CMC2: variants seen among roughly 807,000 people sequenced by gnomAD.
CMC2 encodes the protein COX assembly mitochondrial protein 2 homolog.
A neutral mutation model predicts 7.5 loss-of-function variants in CMC2; 5 were observed. That is an observed-to-expected ratio of 0.66 (90% CI 0.35 to 1.40). CMC2 has a LOEUF of 1.40. Ranked by LOEUF, CMC2 falls within the 40% of genes most tolerant of loss-of-function variation. The pLI is 0.04. For synonymous variants in CMC2, 37 were observed against 31.4 expected, an observed-to-expected ratio of 1.18 and a Z score of -0.60; for missense variants, 115 against 92.3, an observed-to-expected ratio of 1.25 and a Z score of -1.01.
rs987604337 is a variant in CMC2, at chr16:80,968,504, G to C, written c.*7589C>G. 3 of 152,104 alleles carry C rather than the reference G, an allele frequency of 2.0e-5. No individual in the cohort carries two copies. In the East Asian group the frequency reaches 5.8e-4, roughly 29 times the overall value. 9.4% of individuals were successfully genotyped at this position (152,104 alleles called of 1,614,324 possible). ...AGATGCTCTTATAACTCCTCTCTTTGCCATGCCCTCCCCAACTCCCATCCT... is the reference window on the plus strand; with the variant it reads ...AGATGCTCTTATAACTCCTCTCTTTCCCATGCCCTCCCCAACTCCCATCCT... On this transcript the variant is annotated 3_prime_UTR_variant, in exon 4 of 4. Transcript: ENST00000219400.
chr16:80,986,600 G>A (rs561374042), intron 2 of CMC2, among the ~76,000 whole-genome samples: 8 of 152,360 alleles, frequency 5.3e-5, no homozygotes, highest in African/African-American at 1.9e-4. Context: ...CCCAATAAAA[G>A]TGTTGCCATG....
chr16:80,977,961 A>G (rs944847548), intron 3 of CMC2, among the ~76,000 whole-genome samples: 24 of 151,868 alleles, frequency 1.6e-4, no homozygotes, highest in Admixed American at 6.6e-4. Context: ...AATTCCAGCT[A>G]TTCAGGAGGC....
intron 1 of CMC2, among the ~76,000 whole-genome samples, chr16:81,000,474 TAA>T (rs1968783253): frequency 1.3e-5 from 2 of 152,006 alleles, no homozygotes; most frequent in Admixed American, 6.6e-5. Flanking sequence ...CCAGCCTAGG[TAA>T]CAGAGTGAGA....
At chr16:80,977,013 C>T (rs1285617275) in intron 3 of CMC2, among the ~76,000 whole-genome samples, 2 of 151,640 alleles carry the variant, frequency 1.3e-5, no homozygotes, top group Admixed American at 6.6e-5. Flanking sequence ...CAGACATAGA[C>T]TACAGTGGGC....
At position 80,969,104 on chromosome 16, in the gene CMC2, G is replaced by A. The variant is rs1253191286; in HGVS notation, c.*6989C>T. The A allele has an allele frequency of 1.3e-5, 2 of 152,152 alleles. No homozygotes were observed. Among genetic ancestry groups the A allele is most frequent in the African/African-American group, 4.8e-5 (2 of 41,436 alleles). The allele number at this position is 152,152 out of a possible 1,614,324, so 9.4% of individuals were successfully genotyped here. On this transcript the variant is annotated 3_prime_UTR_variant, in exon 4 of 4. Transcript: ENST00000219400. ...TGTGTGTGTCAGAAAGTTACTGGTG[G>A]GAAATTCTGGAAAGATAGTTGTGAC...
At chr16:80,997,275 T>C in intron 2 of CMC2, 39 bp downstream of exon 2, 2 of 1,139,154 alleles carry the variant, frequency 1.8e-6, no homozygotes, top group Non-Finnish European at 2.7e-6. Context: ...TATAACTAAG[T>C]TTCATTTTGG....
At chr16:80,997,158 GAAAA>G (rs1374483400) in intron 2 of CMC2, 152 bp downstream of exon 2, 4 of 611,162 alleles carry the variant, frequency 6.5e-6, no homozygotes, top group Non-Finnish European at 1.2e-5. Flanking sequence ...GTAAAAAAAA[GAAAA>G]AAATCGCACA....
At chr16:80,999,028 G>A (rs571025872) in intron 1 of CMC2, 17 of 152,224 alleles carry the variant, frequency 1.1e-4, no homozygotes, top group Non-Finnish European at 1.6e-4. Context: ...CTTGAGGACC[G>A]GAACAAGGGA....
At chr16:81,006,045 T>A (rs1969297000) in intron 1 of CMC2, among the ~76,000 whole-genome samples, 1 of 152,188 alleles carries the variant, frequency 6.6e-6, no homozygotes, top group Non-Finnish European at 1.5e-5. Flanking sequence ...ACGAATGGCA[T>A]CACAACATAA....
intron 1 of CMC2, chr16:80,997,869 T>C (rs1447428198): frequency 1.3e-5 from 2 of 152,440 alleles, no homozygotes; most frequent in East Asian, 3.9e-4. Flanking sequence ...TAGTCTCATA[T>C]TAGTGTGAAT....
At chr16:80,997,711 A>T (rs1486342912) in intron 1 of CMC2, 1 of 200,210 alleles carries the variant, frequency 5.0e-6, no homozygotes, top group Non-Finnish European at 1.0e-5. Flanking sequence ...AAGCAGAAAC[A>T]GCTTGCTTAT....
chr16:80,992,659 C>T (rs954835869), intron 2 of CMC2, among the ~76,000 whole-genome samples: 2 of 145,668 alleles, frequency 1.4e-5, no homozygotes, highest in African/African-American at 2.6e-5. Flanking sequence ...GTCTCTCATG[C>T]TTTTGCTCAT....
chr16:80,981,152 A>T (rs1967085030), intron 3 of CMC2, among the ~76,000 whole-genome samples: 1 of 152,080 alleles, frequency 6.6e-6, no homozygotes, highest in Admixed American at 6.6e-5. Flanking sequence ...ATATATTTTT[A>T]AAAGTTCTGG....
rs527837137 is a variant in CMC2 at position 80,990,612 on chromosome 16, TCTC to T, written c.81+6699_81+6701del. On this transcript the variant is annotated intron_variant, in intron 2 of 3. Coordinates refer to ENST00000219400, the MANE Select transcript of CMC2 (RefSeq NM_020188.5). ...GAGATACAAATATGTTTTGCTATCT[TCTC>T]CTCCTTTTTTATACAAACGCTAGGA... is the stretch of plus-strand genomic sequence containing the variant. Among the ~76,000 whole-genome samples the T allele has an allele frequency of 1.5e-4, 23 of 152,376 alleles. No homozygotes were observed. In the East Asian group the frequency reaches 3.1e-3, roughly 20 times the overall value.
At chr16:80,980,920 C>A (rs374617009) in intron 3 of CMC2, 2 of 683,112 alleles carry the variant, frequency 2.9e-6, no homozygotes, top group East Asian at 2.7e-5. Flanking sequence ...CAAACTATTA[C>A]TCTTCACTGA....
At position 80,969,986 on chromosome 16, in the gene CMC2, A is replaced by G. The variant is rs1911807180; in HGVS notation, c.*6107T>C. 1 of 152,228 alleles carries G rather than the reference A, an allele frequency of 6.6e-6. No individual in the cohort carries two copies. The highest frequency in any genetic ancestry group is 2.1e-4 in the South Asian group (1 of 4,832). 9.4% of individuals were successfully genotyped at this position (152,228 alleles called of 1,614,324 possible). ...GCTCAGACAACCAAAATGACTAGGG[A>G]GATATTAACACAAGACTAGCGGTGA... is the stretch of plus-strand genomic sequence containing the variant. On this transcript the variant is annotated 3_prime_UTR_variant, in exon 4 of 4. Coordinates refer to ENST00000219400, the MANE Select transcript of CMC2 (RefSeq NM_020188.5).
At chr16:80,981,652 T>A (rs924208687) in intron 3 of CMC2, among the ~76,000 whole-genome samples, 154 bp downstream of exon 3, 25 of 152,230 alleles carry the variant, frequency 1.6e-4, no homozygotes, top group African/African-American at 6.0e-4. Context: ...AAAGCTTTCA[T>A]TTCTTCCCCT....
chr16:80,988,937 C>T (rs894653278), intron 2 of CMC2, among the ~76,000 whole-genome samples: 1 of 152,106 alleles, frequency 6.6e-6, no homozygotes, highest in African/African-American at 2.4e-5. Context: ...AATGCTCCCC[C>T]ACGTGGGTTT....
At chr16:80,981,509 T>C (rs996288440) in intron 3 of CMC2, among the ~76,000 whole-genome samples, 2 of 152,204 alleles carry the variant, frequency 1.3e-5, no homozygotes, top group Non-Finnish European at 2.9e-5. Flanking sequence ...GATATAAGTC[T>C]TTCTGCCGGC....
Sources: gnomAD v4.1 joint callset for allele counts (sites outside exome capture counted in the v4.1 genomes callset) on GRCh38, gnomAD v4.1.1 for gene constraint, MANE v1.5 for transcripts, NCBI Gene and HGNC (gene_info 2026-07-23, HGNC 2026-07-21) for gene names.